The following TBX1 variants were observed in gnomAD, a reference collection of about 807,000 sequenced individuals.
TBX1 encodes T-box transcription factor TBX1.
In TBX1, 16 loss-of-function variants were observed where a neutral mutation model predicts 40.8. That is an observed-to-expected ratio of 0.39 (90% CI 0.27 to 0.60). TBX1 has a LOEUF of 0.60. TBX1 is among the 20% of genes least tolerant of loss of function. TBX1 has a pLI of 0.51. For synonymous variants in TBX1, 403 were observed against 336.8 expected (o/e 1.20, Z -2.15); for missense variants, 755 against 728.5 (o/e 1.04, Z -0.42).
chr22:19,772,986 C>T (rs1383977183), intron 8 of TBX1, among the ~76,000 whole-genome samples: 1 of 152,196 alleles, frequency 6.6e-6, no homozygotes, highest in African/African-American at 2.4e-5. Flanking sequence ...GATTCCTGCA[C>T]CCGAGTGCTG....
exon 9 of TBX1, chr22:19,779,357 A>G (rs747125874): frequency 1.9e-6 from 3 of 1,614,048 alleles, no homozygotes; most frequent in Non-Finnish European, 2.5e-6. Flanking sequence ...CCAACCCTTC[A>G]ATACCCAGGG....
In TBX1 at chr22:19,765,077, A is replaced by G. The variant is rs1182771166; in HGVS notation, c.831A>G (p.Thr277=). 1.9e-6 allele frequency: 3 copies of G among 1,614,244 alleles called. No individual in the cohort carries two copies. Among genetic ancestry groups the G allele is most frequent in the Non-Finnish European group, 2.5e-6 (3 of 1,180,042 alleles). The stretch of plus-strand genomic sequence containing the variant: ...TCAAAACCTTTGTGTTCGAGGAGAC[A>G]CGATTCACCGCGGTCACTGCCTACC... ...ENFKTFVFEE[T]RFTAVTAYQN... The change falls in exon 4 of 7, where the codon ACA becomes ACG. Residue 277 remains threonine, a synonymous_variant. Coordinates refer to ENST00000649276, the MANE Select transcript of TBX1 (RefSeq NM_001379200.1).
At chr22:19,765,657 G>A in intron 4 of TBX1, 101 bp from the exon 5 acceptor site, 1 of 1,312,582 alleles carries the variant, frequency 7.6e-7, no homozygotes, top group South Asian at 1.3e-5. Context: ...CAGCAGAAAG[G>A]CCCTTGGTGC....
upstream of TBX1, among the ~76,000 whole-genome samples, chr22:19,757,973 C>T (rs1323781013): frequency 1.3e-5 from 2 of 152,152 alleles, no homozygotes; most frequent in Non-Finnish European, 2.9e-5. Context: ...ACATGAGGCA[C>T]CCCATACAGG....
chr22:19,775,329 A>T (rs1937048556), intron 8 of TBX1, among the ~76,000 whole-genome samples: 1 of 152,090 alleles, frequency 6.6e-6, no homozygotes, highest in Non-Finnish European at 1.5e-5. Context: ...TCCTGACCTC[A>T]GGTGATCCGC....
At chr22:19,763,155 C>T in intron 1 of TBX1, 86 bp from the exon 2 acceptor site, 1 of 1,069,756 alleles carries the variant, frequency 9.3e-7, no homozygotes, top group Non-Finnish European at 1.4e-6. Context: ...GAGGGAGGGG[C>T]CGAGCAGAGG....
intron 8 of TBX1, among the ~76,000 whole-genome samples, chr22:19,778,348 G>T (rs41298650): frequency 2.0e-5 from 3 of 151,898 alleles, no homozygotes; most frequent in Non-Finnish European, 4.4e-5. Context: ...TGATCCTCCC[G>T]CTTTTGCCCT....
At chr22:19,763,382 C>A in intron 2 of TBX1, 40 bp downstream of exon 2, 2 of 1,598,886 alleles carry the variant, frequency 1.3e-6, no homozygotes, top group Non-Finnish European at 1.7e-6. Context: ...CGGGAGGGCA[C>A]CCTGGAAAGT....
chr22:19,766,436 G>A lies in TBX1; in HGVS notation c.1084G>A (p.Ala362Thr). The part of the protein sequence containing the change: ...REFQRDAGGP[A>T]VLGDPAHPPQ... The stretch of plus-strand genomic sequence containing the variant: ...ATTCCAGCGCGACGCGGGCGGGCCA[G>A]CAGTGCTCGGGGACCCGGCGCATCC... The change falls in exon 7 of 7, where the codon GCA (alanine) becomes ACA (threonine). Residue 362 changes from alanine (A) to threonine (T), a missense_variant. By Grantham distance (58) the Ala-to-Thr change is moderately conservative (BLOSUM62 0). Around this residue, in one of 3 missense-constraint regions of TBX1, gnomAD observed 412 missense variants for 317.6 expected, o/e 1.30. Coordinates refer to ENST00000649276, the MANE Select transcript of TBX1 (RefSeq NM_001379200.1). 2 of 1,347,434 alleles carry A rather than the reference G, an allele frequency of 1.5e-6. No individual in the cohort carries two copies. Among genetic ancestry groups the A allele is most frequent in the African/African-American group, 3.1e-5 (2 of 65,412 alleles). The allele number at this position is 1,347,434 out of a possible 1,614,324, so 83.5% of individuals were successfully genotyped here.
chr22:19,764,474 C>A (rs1044504434), intron 3 of TBX1, 148 bp downstream of exon 3: 1 of 1,022,056 alleles, frequency 9.8e-7, no homozygotes, highest in Non-Finnish European at 1.5e-6. Flanking sequence ...CTTTAGAGTC[C>A]CTGCGAGGCT....
chr22:19,766,276 C>A, intron 6 of TBX1, 113 bp from the exon 7 acceptor site: 1 of 1,189,312 alleles, frequency 8.4e-7, no homozygotes, highest in Non-Finnish European at 1.0e-6. Context: ...ACCGACTGGT[C>A]GGGGAACACC....
intron 8 of TBX1, among the ~76,000 whole-genome samples, chr22:19,774,441 C>T (rs1342948029): frequency 3.3e-5 from 5 of 152,154 alleles, no homozygotes; most frequent in South Asian, 2.1e-4. Context: ...TACATAGAAC[C>T]GTATGTTCCA....
upstream of TBX1, among the ~76,000 whole-genome samples, chr22:19,757,564 C>T (rs1936515079): frequency 6.6e-6 from 1 of 152,212 alleles, no homozygotes; most frequent in African/African-American, 2.4e-5. Context: ...GCAGGAGCCC[C>T]ACCCCCATGC....
chr22:19,782,886 ATC>A (rs755598745), downstream of TBX1: 4 of 1,614,108 alleles, frequency 2.5e-6, no homozygotes, highest in South Asian at 2.2e-5. Flanking sequence ...CAGTGTAGGG[ATC>A]TGTTTCCCCT....
chr22:19,757,941 G>A (rs935784299), upstream of TBX1, among the ~76,000 whole-genome samples: 1 of 152,186 alleles, frequency 6.6e-6, no homozygotes, highest in Non-Finnish European at 1.5e-5. Flanking sequence ...AGCTGCAGGC[G>A]GCAGGGGTTG....
At chr22:19,783,198 G>C (rs958667603), downstream of TBX1, 7 of 648,926 alleles carry the variant, frequency 1.1e-5, no homozygotes, top group African/African-American at 1.1e-4. Flanking sequence ...CGGAGCCCAC[G>C]TGCCCAGAAT....
chr22:19,781,799 T>C (rs1937144967), downstream of TBX1, among the ~76,000 whole-genome samples: 1 of 152,190 alleles, frequency 6.6e-6, no homozygotes, highest in Admixed American at 6.5e-5. Context: ...AAGACAGTCT[T>C]TTCCCCCATT....
upstream of TBX1, chr22:19,759,447 T>A (rs1179143716): frequency 7.1e-7 from 1 of 1,398,940 alleles, no homozygotes; most frequent in East Asian, 2.8e-5. Context: ...GCGGTGCGGC[T>A]GGGCACACGC....
At chr22:19,777,819 G>T (rs1227951252) in intron 8 of TBX1, among the ~76,000 whole-genome samples, 1 of 150,928 alleles carries the variant, frequency 6.6e-6, no homozygotes, top group Non-Finnish European at 1.5e-5. Flanking sequence ...GAGTGCAGTG[G>T]TATGATCATG....
Sources: allele counts gnomAD v4.1 joint callset (sites outside exome capture counted in the v4.1 genomes callset), GRCh38; gene constraint gnomAD v4.1.1; regional missense constraint gnomAD v4.1.1; transcripts MANE v1.5; gene names NCBI Gene and HGNC (gene_info 2026-07-23, HGNC 2026-07-21).